The following NMNAT3 variants were observed in gnomAD, a reference collection of about 807,000 sequenced individuals.
NMNAT3 encodes nicotinamide nucleotide adenylyltransferase 3.
In NMNAT3, 21 loss-of-function variants were observed where a neutral mutation model predicts 24.8. The ratio of observed to expected loss-of-function variants is 0.85; its 90% CI spans 0.60 to 1.22. The LOEUF (loss-of-function observed/expected upper bound fraction) is 1.22, where lower values mean the gene tolerates loss of function less well. NMNAT3 is among the 50% of genes most tolerant of loss of function. The pLI is 0.00. For missense variants in NMNAT3, 387 were observed against 436.6 expected (o/e 0.89, Z 1.01); for synonymous variants, 136 against 155.2 (o/e 0.88, Z 0.92).
At chr3:139,594,407 T>C (rs1037062228) in intron 3 of NMNAT3, among the ~76,000 whole-genome samples, 1 of 152,218 alleles carries the variant, frequency 6.6e-6, no homozygotes, top group Non-Finnish European at 1.5e-5. Context: ...GTACCATTCC[T>C]TCTGAAACTA....
chr3:139,671,478 T>C lies in NMNAT3; in HGVS notation c.-141+6227A>G, dbSNP rs543551417. Among the ~76,000 whole-genome samples the C allele has an allele frequency of 1.2e-3, 182 of 152,330 alleles. 1 individual carries two copies. Among genetic ancestry groups the C allele is most frequent in the African/African-American group, 4.2e-3 (175 of 41,578 alleles). On this transcript the variant is annotated intron_variant, in intron 1 of 6. Coordinates refer to ENST00000643695, the MANE Select transcript of NMNAT3 (RefSeq NM_001320510.2). ...TTCAGATTATTTTCTTAAAGCAGAA[T>C]TTCAGAAGAAGCCAAAAGGTAGCAG...
At chr3:139,595,917 C>G (rs1054784899) in intron 3 of NMNAT3, among the ~76,000 whole-genome samples, 1 of 152,036 alleles carries the variant, frequency 6.6e-6, no homozygotes, top group African/African-American at 2.4e-5. Context: ...ACTTCATGTC[C>G]AAAACACCAA....
intron 1 of NMNAT3, among the ~76,000 whole-genome samples, chr3:139,669,000 T>G (rs995438932): frequency 6.6e-6 from 1 of 152,246 alleles, no homozygotes; most frequent in Non-Finnish European, 1.5e-5. Flanking sequence ...CACTAAACCC[T>G]ATTGAACTTG....
intron 1 of NMNAT3, among the ~76,000 whole-genome samples, chr3:139,677,136 T>A (rs1433003284): frequency 2.6e-5 from 4 of 152,198 alleles, no homozygotes; most frequent in Non-Finnish European, 5.9e-5. Flanking sequence ...AAAGTTTTAG[T>A]TCCAGCAGCC....
chr3:139,602,963 A>G (rs988020409), intron 3 of NMNAT3, among the ~76,000 whole-genome samples: 1 of 152,182 alleles, frequency 6.6e-6, no homozygotes, highest in Non-Finnish European at 1.5e-5. Context: ...CATTCTCACT[A>G]AGCACCTGAA....
intron 3 of NMNAT3, among the ~76,000 whole-genome samples, chr3:139,597,053 T>C (rs1220572806): frequency 6.6e-6 from 1 of 150,856 alleles, no homozygotes; most frequent in Non-Finnish European, 1.5e-5. Flanking sequence ...ACTGAACTTA[T>C]TAGTTCTAAT....
At chr3:139,640,851 A>C (rs2056675891) in intron 1 of NMNAT3, among the ~76,000 whole-genome samples, 1 of 152,266 alleles carries the variant, frequency 6.6e-6, no homozygotes, top group Admixed American at 6.5e-5. Flanking sequence ...GGTGATAAGC[A>C]GATAACTGCA....
At chr3:139,615,484 C>T (rs2108272204) in intron 3 of NMNAT3, among the ~76,000 whole-genome samples, 1 of 150,896 alleles carries the variant, frequency 6.6e-6, no homozygotes, top group Admixed American at 6.6e-5. Context: ...CCCATCCATC[C>T]ATTTATCCAT....
At chr3:139,618,298 A>G (rs999271007) in intron 3 of NMNAT3, among the ~76,000 whole-genome samples, 3 of 152,242 alleles carry the variant, frequency 2.0e-5, no homozygotes, top group African/African-American at 4.8e-5. Flanking sequence ...CTTTTTATAT[A>G]ATGCACACTT....
At chr3:139,677,356 T>A (rs962702436) in intron 1 of NMNAT3, among the ~76,000 whole-genome samples, 1 of 152,240 alleles carries the variant, frequency 6.6e-6, no homozygotes, top group Non-Finnish European at 1.5e-5. Context: ...CAGCGGACAC[T>A]GAGTGGAACA....
chr3:139,666,583 G>T (rs1371734929), intron 1 of NMNAT3, among the ~76,000 whole-genome samples: 2 of 152,160 alleles, frequency 1.3e-5, no homozygotes. Flanking sequence ...CCATCTTTAT[G>T]TTGGGAACAT....
intron 1 of NMNAT3, among the ~76,000 whole-genome samples, chr3:139,675,135 T>TACACACACACACACACACACACACACAC (rs148834873): frequency 1.3e-5 from 2 of 148,228 alleles, no homozygotes; most frequent in Non-Finnish European, 1.5e-5. Context: ...CTTTTAAACA[T>TACACACACACACACACACACACACACAC]ACACACACAC....
At chr3:139,594,058 T>C (rs295468) in intron 3 of NMNAT3, among the ~76,000 whole-genome samples, 7,366 of 151,348 alleles carry the variant, frequency 0.049, 235 homozygotes, top group Non-Finnish European at 0.07. Flanking sequence ...AATTGATAGA[T>C]CACTAGCAAG....
chr3:139,603,263 C>T (rs185445470), intron 3 of NMNAT3, among the ~76,000 whole-genome samples: 3 of 152,316 alleles, frequency 2.0e-5, no homozygotes, highest in Admixed American at 1.3e-4. Context: ...TTTTATGGAT[C>T]CCTCTGCTGG....
intron 6 of NMNAT3, chr3:139,570,494 A>G (rs1938047274): frequency 6.6e-6 from 1 of 151,852 alleles, no homozygotes; most frequent in African/African-American, 2.4e-5. Context: ...TTGGTCTTTG[A>G]TGATGGTGAC....
chr3:139,662,975 G>A (rs941107663), intron 1 of NMNAT3, among the ~76,000 whole-genome samples: 2 of 152,202 alleles, frequency 1.3e-5, no homozygotes, highest in Admixed American at 6.5e-5. Flanking sequence ...CCCTTTACAG[G>A]TGTATTCGTT....
chr3:139,592,509 C>T (rs1016701424), intron 3 of NMNAT3, among the ~76,000 whole-genome samples: 2 of 152,094 alleles, frequency 1.3e-5, no homozygotes, highest in Non-Finnish European at 2.9e-5. Context: ...CTCCAAGACA[C>T]ATAATTGTCA....
At chr3:139,644,358 C>A (rs1282794336) in intron 1 of NMNAT3, among the ~76,000 whole-genome samples, 1 of 152,116 alleles carries the variant, frequency 6.6e-6, no homozygotes, top group Non-Finnish European at 1.5e-5. Context: ...TGAACAATAC[C>A]AGCATACTGA....
chr3:139,642,596 AC>A (rs904340131), intron 1 of NMNAT3, among the ~76,000 whole-genome samples: 2 of 152,076 alleles, frequency 1.3e-5, no homozygotes, highest in Non-Finnish European at 2.9e-5. Context: ...TGAGAACTTA[AC>A]CTCAGGGTAA....
Sources: gnomAD v4.1 joint callset for allele counts (sites outside exome capture counted in the v4.1 genomes callset) on GRCh38, gnomAD v4.1.1 for gene constraint, MANE v1.5 for transcripts, NCBI Gene and HGNC (gene_info 2026-07-23, HGNC 2026-07-21) for gene names.